The following ZNF638 variants were observed in gnomAD, a reference collection of about 807,000 sequenced individuals.
The protein encoded by ZNF638 is CTCL tumor antigen se33-1.
ZNF638 carries 46 observed loss-of-function variants against 195.6 expected under a neutral mutation model. That is an observed-to-expected ratio of 0.24 (90% CI 0.19 to 0.30). The LOEUF (loss-of-function observed/expected upper bound fraction) is 0.30. Among genes scored for constraint, ZNF638 ranks in the 10% least tolerant of loss-of-function variants. The pLI is 1.00. For synonymous variants in ZNF638, 845 were observed against 772.0 expected (o/e 1.09, Z -1.57); for missense variants, 2,440 against 2,325.3 (o/e 1.05, Z -1.01).
intron 2 of ZNF638, among the ~76,000 whole-genome samples, chr2:71,353,289 C>CTTGGTTTAGGAGCTGTG (rs1251675164): frequency 1.3e-5 from 2 of 152,098 alleles, no homozygotes; most frequent in African/African-American, 4.8e-5. Flanking sequence ...AGAAACTTCC[C>CTTGGTTTAGGAGCTGTG]TTGGTTTAGG....
intron 1 of ZNF638, among the ~76,000 whole-genome samples, chr2:71,336,492 G>A (rs989050120): frequency 6.6e-6 from 1 of 151,676 alleles, no homozygotes; most frequent in African/African-American, 2.4e-5. Flanking sequence ...TAACTCCTAT[G>A]TCTAATATAA....
chr2:71,406,238 T>A lies in ZNF638; in HGVS notation c.3111T>A (p.His1037Gln), dbSNP rs1333519325. Residue 1037 changes from histidine (H) to glutamine (Q), a missense_variant, in exon 19 of 28, where the codon CAT becomes CAA. His to Gln is a conservative substitution (Grantham distance 24). Transcript: ENST00000264447. The stretch of plus-strand genomic sequence containing the variant: ...TTCAGTTTGGAAAAGTGGATCACCA[T>A]GTATTCATAAGTAATAGAAACAAGG... ...VGLQFGKVDH[H>Q]VFISNRNKAI... 4.3e-6 allele frequency: 7 copies of A among 1,612,454 alleles called. No homozygotes were observed. The highest frequency in any genetic ancestry group is 5.9e-6 in the Non-Finnish European group (7 of 1,178,540).
At chr2:71,418,734 AG>A in intron 21 of ZNF638, 95 bp downstream of exon 21, 1 of 870,008 alleles carries the variant, frequency 1.1e-6, no homozygotes, top group Non-Finnish European at 1.7e-6. Flanking sequence ...TGTAGTGAAA[AG>A]TTCTTTTCTG....
At chr2:71,363,008 T>G (rs1316223635) in intron 3 of ZNF638, 145 bp from the exon 4 acceptor site, 3 of 689,724 alleles carry the variant, frequency 4.3e-6, no homozygotes, top group Admixed American at 2.6e-5. Context: ...CATAATACTT[T>G]GATTATTTAT....
intron 1 of ZNF638, among the ~76,000 whole-genome samples, chr2:71,342,417 C>G (rs1448853144): frequency 1.3e-5 from 2 of 152,146 alleles, no homozygotes; most frequent in Non-Finnish European, 2.9e-5. Flanking sequence ...CATGTTCACT[C>G]TTTCCCTCAC....
chr2:71,395,184 T>C, intron 10 of ZNF638: 1 of 716,440 alleles, frequency 1.4e-6, no homozygotes, highest in Non-Finnish European at 2.6e-6. Context: ...CCCTCACTCC[T>C]TGATTGGAAA....
chr2:71,344,321 A>G (rs1157694852), intron 1 of ZNF638, among the ~76,000 whole-genome samples: 2 of 152,218 alleles, frequency 1.3e-5, no homozygotes, highest in African/African-American at 4.8e-5. Context: ...GGATGCTGAA[A>G]ATACAGATGT....
chr2:71,369,126 G>A (rs1249675999), intron 7 of ZNF638, among the ~76,000 whole-genome samples: 1 of 151,946 alleles, frequency 6.6e-6, no homozygotes, highest in Non-Finnish European at 1.5e-5. Flanking sequence ...CCTGAGATCA[G>A]GAGTTTGAGA....
At chr2:71,408,272 T>C (rs1457601595) in intron 20 of ZNF638, 25 bp downstream of exon 20, 3 of 1,603,044 alleles carry the variant, frequency 1.9e-6, no homozygotes, top group Middle Eastern at 3.3e-4. Context: ...TCTTCAGCTT[T>C]TGTGATTTTA....
chr2:71,427,572 G>C (rs1157904125), intron 24 of ZNF638, among the ~76,000 whole-genome samples, 158 bp downstream of exon 24: 1 of 152,174 alleles, frequency 6.6e-6, no homozygotes, highest in African/African-American at 2.4e-5. Flanking sequence ...CCAAAGAAAT[G>C]TGTACAAGTT....
At chr2:71,402,225 T>C (rs1558870870) in intron 16 of ZNF638, 138 bp downstream of exon 16, 2 of 856,598 alleles carry the variant, frequency 2.3e-6, no homozygotes, top group East Asian at 5.9e-5. Context: ...TTTTAAAATA[T>C]AAAACACAGA....
intron 10 of ZNF638, among the ~76,000 whole-genome samples, chr2:71,383,099 C>T (rs952335898): frequency 3.3e-5 from 5 of 152,082 alleles, no homozygotes; most frequent in Non-Finnish European, 7.4e-5. Context: ...GAGGCGGGTG[C>T]ATCACCTGAG....
chr2:71,404,504 C>T (rs568060314), intron 17 of ZNF638, among the ~76,000 whole-genome samples: 1 of 152,058 alleles, frequency 6.6e-6, no homozygotes. Flanking sequence ...GAGCCCAGGA[C>T]TTCAGGACCC....
At chr2:71,421,380 T>C (rs540291096) in intron 21 of ZNF638, among the ~76,000 whole-genome samples, 1 of 152,260 alleles carries the variant, frequency 6.6e-6, no homozygotes, top group African/African-American at 2.4e-5. Flanking sequence ...AAAAAACATT[T>C]TAGCATGCAA....
chr2:71,407,410 A>G (rs2080127543), intron 19 of ZNF638: 1 of 152,158 alleles, frequency 6.6e-6, no homozygotes. Flanking sequence ...CATTTTAAGG[A>G]TTGTTTTCTC....
intron 21 of ZNF638, among the ~76,000 whole-genome samples, chr2:71,422,540 C>T (rs1233713448): frequency 6.6e-6 from 1 of 152,130 alleles, no homozygotes; most frequent in Non-Finnish European, 1.5e-5. Flanking sequence ...CAGGGGTTAA[C>T]TTGACAGAGG....
Position 71,331,787 on chromosome 2 carries a change from C to A in ZNF638, c.-291C>A, listed in dbSNP as rs1357860057. 4.1e-6 allele frequency: 4 copies of A among 985,930 alleles called. No homozygotes were observed. The highest frequency in any genetic ancestry group is 3.5e-5 in the African/African-American group (2 of 57,240). 61.1% of individuals were successfully genotyped at this position (985,930 alleles called of 1,614,324 possible). ...GCGCATGCGTGCAGCTCTTTGGAGG[C>A]GGTAGCGTTTTCGGCGTCGAGACTG... On this transcript the variant is annotated 5_prime_UTR_variant, in exon 1 of 28. Coordinates refer to ENST00000264447, the MANE Select transcript of ZNF638 (RefSeq NM_014497.5).
At chr2:71,385,444 A>G (rs1239516996) in intron 10 of ZNF638, among the ~76,000 whole-genome samples, 1 of 152,126 alleles carries the variant, frequency 6.6e-6, no homozygotes, top group Non-Finnish European at 1.5e-5. Context: ...AATTTCATGT[A>G]TATCACATTG....
chr2:71,334,085 T>G (rs540291524), intron 1 of ZNF638, among the ~76,000 whole-genome samples: 1 of 152,226 alleles, frequency 6.6e-6, no homozygotes, highest in Admixed American at 6.5e-5. Flanking sequence ...GTAGAACTTA[T>G]CAATATATAT....
Sources: gnomAD v4.1 joint callset for allele counts (sites outside exome capture counted in the v4.1 genomes callset) on GRCh38, gnomAD v4.1.1 for gene constraint, MANE v1.5 for transcripts, NCBI Gene and HGNC (gene_info 2026-07-23, HGNC 2026-07-21) for gene names.